KLHL35: variants seen among roughly 807,000 people sequenced by gnomAD.
KLHL35 encodes the protein kelch-like protein 35.
In KLHL35, 50 loss-of-function variants were observed where a neutral mutation model predicts 44.0. The observed-to-expected ratio is 1.14, with a 90% CI of 0.91 to 1.44. KLHL35 has a LOEUF of 1.44. KLHL35 is among the 40% of genes most tolerant of loss of function. The probability of loss-of-function intolerance (pLI) is 0.00; values close to 1 mark genes in which losing one functional copy is unlikely to be tolerated. For synonymous variants in KLHL35, 470 were observed against 410.4 expected, an observed-to-expected ratio of 1.15 and a Z score of -1.76; for missense variants, 1,049 against 887.8, an observed-to-expected ratio of 1.18 and a Z score of -2.31.
chr11:75,430,612 C>T lies in KLHL35; in HGVS notation c.18G>A (p.Ala6=). 7.1e-7 allele frequency: 1 copy of T among 1,398,866 alleles called. No individual in the cohort carries two copies. Among genetic ancestry groups the T allele is most frequent in the Non-Finnish European group, 9.3e-7 (1 of 1,080,646 alleles). 86.7% of individuals were successfully genotyped at this position (1,398,866 alleles called of 1,614,324 possible). A position where few individuals can be genotyped will look rare whatever the true frequency, so the allele number is the denominator to read the frequency against. MRQGH[A]PEESEPGCEA... is the part of the protein sequence containing the mutation. ...CGCAGCCCGGCTCCGACTCCTCCGG[C>T]GCATGGCCTTGCCGCATCCTGCCGG... Residue 6 remains alanine, a synonymous_variant, in exon 2 of 7, where the codon GCG becomes GCA. Coordinates refer to ENST00000539798, the MANE Select transcript of KLHL35 (RefSeq NM_001039548.3).
At position 75,428,636 on chromosome 11, in the gene KLHL35, G is replaced by A. The variant is rs767217847; in HGVS notation, c.882-10C>T. 13 of 1,569,178 alleles carry A rather than the reference G, an allele frequency of 8.3e-6. No individual in the cohort carries two copies. Among genetic ancestry groups the A allele is most frequent in the East Asian group, 2.3e-5 (1 of 44,382 alleles). ...AGCTAGGTCCATGAATCTGGCGTGC[G>A]GATAAGCCCAGTGCCTGTTGGGCCG... On this transcript the variant is annotated splice_polypyrimidine_tract_variant and intron_variant, in intron 2 of 6. Transcript: ENST00000539798.
intron 2 of KLHL35, 76 bp from the exon 3 acceptor site, chr11:75,428,702 C>T: frequency 7.8e-7 from 1 of 1,288,256 alleles, no homozygotes; most frequent in African/African-American, 1.5e-5. Context: ...GACCACACTG[C>T]ACGGTCCCGC....
chr11:75,423,847 T>C lies in KLHL35; in HGVS notation c.1408A>G (p.Ser470Gly). 3.7e-6 allele frequency: 6 copies of C among 1,613,572 alleles called. No individual in the cohort carries two copies. Among genetic ancestry groups the C allele is most frequent in the Non-Finnish European group, 5.1e-6 (6 of 1,179,768 alleles). The change falls in exon 6 of 7, where the codon AGC (serine) becomes GGC (glycine). Residue 470 changes from serine to glycine, a missense_variant. Physicochemically the swap from Ser to Gly is moderately conservative, Grantham distance 56 (BLOSUM62 0). Transcript: ENST00000539798. ...QCFDPKEDRW[S>G]LRSPAPFSQR... ...GAGAAGGGTGCTGGTGACCGCAGGC[T>C]CCACCGGTCCTCCTTGGGGTCAAAG...
chr11:75,432,605 C>T (rs1948546528), intron 1 of KLHL35, among the ~76,000 whole-genome samples: 1 of 152,180 alleles, frequency 6.6e-6, no homozygotes, highest in African/African-American at 2.4e-5. Flanking sequence ...CCCCACAGCA[C>T]AAGCAGCTCC....
At chr11:75,429,618 A>G in intron 2 of KLHL35, 131 bp downstream of exon 2, 1 of 1,179,424 alleles carries the variant, frequency 8.5e-7, no homozygotes, top group Non-Finnish European at 1.1e-6. Context: ...ATGGGCACCG[A>G]GCCTCTAAAA....
At position 75,428,631 on chromosome 11, in the gene KLHL35, C is replaced by T; in HGVS notation, c.882-5G>A. The T allele has an allele frequency of 6.3e-7, 1 of 1,575,170 alleles. No homozygotes were observed. Among genetic ancestry groups the T allele is most frequent in the Admixed American group, 1.7e-5 (1 of 57,352 alleles). ...ACTTCAGCTAGGTCCATGAATCTGG[C>T]GTGCGGATAAGCCCAGTGCCTGTTG... On this transcript the variant is annotated splice_region_variant and splice_polypyrimidine_tract_variant and intron_variant, in intron 2 of 6. Coordinates refer to ENST00000539798, the MANE Select transcript of KLHL35 (RefSeq NM_001039548.3).
Position 75,430,070 on chromosome 11 carries a change from C to T in KLHL35, c.560G>A (p.Arg187His). The change falls in exon 2 of 7, where the codon CGC becomes CAC. Residue 187 changes from arginine (R) to histidine (H), a missense_variant. By Grantham distance (29) the Arg-to-His change is conservative. Transcript: ENST00000539798. ...VLRQAFAEVA[R>H]HADFLELAPD... ...CGCCAGCTCCAGGAAGTCGGCGTGGCGCGCCACCTCGGCGAAGGCCTGACG... is the reference window on the plus strand; with the variant it reads ...CGCCAGCTCCAGGAAGTCGGCGTGGTGCGCCACCTCGGCGAAGGCCTGACG... 2 of 1,390,678 alleles carry T rather than the reference C, an allele frequency of 1.4e-6. No individual in the cohort carries two copies. Among genetic ancestry groups the T allele is most frequent in the South Asian group, 1.5e-5 (1 of 65,980 alleles). The allele number at this position is 1,390,678 out of a possible 1,614,324, so 86.1% of individuals were successfully genotyped here.
At position 75,430,025 on chromosome 11, in the gene KLHL35, A is replaced by G; in HGVS notation, c.605T>C (p.Leu202Pro). 4 of 1,419,232 alleles carry G rather than the reference A, an allele frequency of 2.8e-6. No individual in the cohort carries two copies. Among genetic ancestry groups the G allele is most frequent in the Non-Finnish European group, 2.8e-6 (3 of 1,088,908 alleles). The allele number at this position is 1,419,232 out of a possible 1,614,324, so 87.9% of individuals were successfully genotyped here. A position where few individuals can be genotyped will look rare whatever the true frequency, so the allele number is the denominator to read the frequency against. The change falls in exon 2 of 7, where the codon CTG becomes CCG. Residue 202 changes from leucine to proline, a missense_variant. Coordinates refer to ENST00000539798, the MANE Select transcript of KLHL35 (RefSeq NM_001039548.3). Reference sequence around the variant, plus strand: ...CACGCCCAGCGCGGGGTCCGCCAGCAGCGCCACCACCTCGTCAGGCGCCAG... The same window carrying G: ...CACGCCCAGCGCGGGGTCCGCCAGCGGCGCCACCACCTCGTCAGGCGCCAG... ...LELAPDEVVA[L>P]LADPALGVAR...
chr11:75,426,695 C>T (rs766776383), intron 3 of KLHL35, 57 bp from the exon 4 acceptor site: 15 of 1,254,028 alleles, frequency 1.2e-5, no homozygotes, highest in Admixed American at 2.1e-5. Flanking sequence ...CAAGCACCCC[C>T]AAAGAGCTAG....
rs550557063 is a variant in KLHL35, at chr11:75,428,602, G to A, written c.906C>T (p.Ile302=). 12 of 1,602,028 alleles carry A rather than the reference G, an allele frequency of 7.5e-6. No individual in the cohort carries two copies. The African/African-American group carries it at 1.5e-4, about 20-fold the overall frequency. The change falls in exon 3 of 7, where the codon ATC becomes ATT. Residue 302 remains isoleucine, a synonymous_variant. Transcript: ENST00000539798. ...TGCGGTCGCAACCGCCGATGACCACGATCACTTCAGCTAGGTCCATGAATC... is the reference window on the plus strand; with the variant it reads ...TGCGGTCGCAACCGCCGATGACCACAATCACTTCAGCTAGGTCCATGAATC... The part of the protein sequence containing the change: ...PRRFMDLAEV[I]VVIGGCDRKG...
rs1374196145 is a variant in KLHL35 at position 75,430,394 on chromosome 11, G to A, written c.236C>T (p.Pro79Leu). The A allele has an allele frequency of 7.3e-7, 1 of 1,369,096 alleles. No individual in the cohort carries two copies. The highest frequency in any genetic ancestry group is 9.4e-7 in the Non-Finnish European group (1 of 1,058,670). The allele number at this position is 1,369,096 out of a possible 1,614,324, so 84.8% of individuals were successfully genotyped here. ...LFAAGRPERG[P>L]AVVPVVPVAP... ...TACTGGCACCACTGGCACCACGGCCGGGCCGCGCTCGGGCCGCCCGGCCGC... is the reference window on the plus strand; with the variant it reads ...TACTGGCACCACTGGCACCACGGCCAGGCCGCGCTCGGGCCGCCCGGCCGC... Residue 79 changes from proline to leucine, a missense_variant, in exon 2 of 7, where the codon CCG becomes CTG. Physicochemically the swap from Pro to Leu is moderately conservative, Grantham distance 98 (BLOSUM62 -3). Coordinates refer to ENST00000539798, the MANE Select transcript of KLHL35 (RefSeq NM_001039548.3).
chr11:75,425,302 G>T, intron 5 of KLHL35, 91 bp downstream of exon 5: 1 of 1,336,618 alleles, frequency 7.5e-7, no homozygotes, highest in South Asian at 1.5e-5. Context: ...TGAATAAATG[G>T]ACAAGGGCAT....
At chr11:75,428,324 G>GT (rs1948506818) in intron 3 of KLHL35, 118 bp downstream of exon 3, 1 of 1,193,706 alleles carries the variant, frequency 8.4e-7, no homozygotes. Context: ...GCCAATAACT[G>GT]TAGGTTATCA....
intron 3 of KLHL35, 85 bp from the exon 4 acceptor site, chr11:75,426,723 T>C: frequency 1.1e-6 from 1 of 886,688 alleles, no homozygotes; most frequent in South Asian, 1.6e-5. Context: ...GGCCCCCAGA[T>C]CCAAAGGAAG....
chr11:75,430,465 G>A lies in KLHL35; in HGVS notation c.165C>T (p.His55=), dbSNP rs1948527336. The A allele has an allele frequency of 2.1e-6, 3 of 1,396,672 alleles. No homozygotes were observed. Among genetic ancestry groups the A allele is most frequent in the East Asian group, 6.2e-5 (2 of 32,072 alleles). The allele number at this position is 1,396,672 out of a possible 1,614,324, so 86.5% of individuals were successfully genotyped here. The change falls in exon 2 of 7, where the codon CAC becomes CAT. Residue 55 remains histidine, a synonymous_variant. Coordinates refer to ENST00000539798, the MANE Select transcript of KLHL35 (RefSeq NM_001039548.3). ...CGCTGCCCGCGCTGAGCGCCGCGCG[G>A]TGGCACGGAAAGTCGCGCCCGCCGG... ...LRAGGRDFPC[H]RAALSAGSAY...
intron 4 of KLHL35, 84 bp downstream of exon 4, chr11:75,426,436 G>A (rs1481568928): frequency 2.2e-6 from 2 of 891,350 alleles, no homozygotes; most frequent in Non-Finnish European, 3.4e-6. Flanking sequence ...TTCTTACAAA[G>A]AGAGGGTTTT....
chr11:75,429,010 G>A (rs1386828070), intron 2 of KLHL35, among the ~76,000 whole-genome samples: 2 of 152,176 alleles, frequency 1.3e-5, no homozygotes, highest in Admixed American at 6.5e-5. Flanking sequence ...GCCATTAAGC[G>A]TCAGAGCTGG....
intron 1 of KLHL35, among the ~76,000 whole-genome samples, chr11:75,431,664 C>G (rs1209807318): frequency 6.6e-6 from 1 of 152,206 alleles, no homozygotes; most frequent in Non-Finnish European, 1.5e-5. Context: ...GTGCCTGCCA[C>G]AGGCTTACGG....
chr11:75,427,439 G>A (rs1019853505), intron 3 of KLHL35, among the ~76,000 whole-genome samples: 2 of 152,212 alleles, frequency 1.3e-5, no homozygotes, highest in Non-Finnish European at 2.9e-5. Context: ...CCTGTGACCA[G>A]AGCCACATCT....
Sources: allele counts gnomAD v4.1 joint callset (sites outside exome capture counted in the v4.1 genomes callset), GRCh38; gene constraint gnomAD v4.1.1; transcripts MANE v1.5; gene names NCBI Gene and HGNC (gene_info 2026-07-23, HGNC 2026-07-21).